The following LEF1 variants were observed in gnomAD, a reference collection of about 807,000 sequenced individuals.
LEF1 encodes lymphoid enhancer binding factor 1.
In LEF1, 14 loss-of-function variants were observed where a neutral mutation model predicts 51.2. The ratio of observed to expected loss-of-function variants is 0.27; its 90% CI spans 0.18 to 0.43. The LOEUF (loss-of-function observed/expected upper bound fraction) is 0.43, where lower values mean the gene tolerates loss of function less well. LEF1 is among the 20% of genes least tolerant of loss of function. The pLI is 1.00. For synonymous variants in LEF1, 185 were observed against 183.2 expected, an observed-to-expected ratio of 1.01 and a Z score of -0.08; for missense variants, 386 against 512.0, an observed-to-expected ratio of 0.75 and a Z score of 2.37.
At chr4:108,076,859 GA>G (rs575906380) in intron 8 of LEF1, among the ~76,000 whole-genome samples, 11 of 147,608 alleles carry the variant, frequency 7.5e-5, no homozygotes, top group African/African-American at 1.2e-4. Context: ...TGTCTCTACT[GA>G]AAAAAAAAAT....
In LEF1 at chr4:108,086,230, AT is replaced by A. The variant is rs201253557; in HGVS notation, c.548-2785del. On this transcript the variant is annotated intron_variant, in intron 4 of 11. Transcript: ENST00000265165. ...TGCCACTGAAGACACATTTCACATCATTTTTTTTTAAGTTTATTTTTTATTT... is the reference window on the plus strand; with the variant it reads ...TGCCACTGAAGACACATTTCACATCATTTTTTTTAAGTTTATTTTTTATTT... Among the ~76,000 whole-genome samples, 184 of 151,492 alleles carry A rather than the reference AT, an allele frequency of 1.2e-3. 2 individuals carry two copies. The highest frequency in any genetic ancestry group is 6.0e-3 in the East Asian group (31 of 5,150).
chr4:108,094,828 G>T (rs941693798), intron 3 of LEF1, among the ~76,000 whole-genome samples: 1 of 152,166 alleles, frequency 6.6e-6, no homozygotes, highest in East Asian at 1.9e-4. Context: ...GATTGTTATG[G>T]TGGCATTTTT....
At chr4:108,056,051 A>G (rs758961952) in intron 11 of LEF1, among the ~76,000 whole-genome samples, 37 of 152,232 alleles carry the variant, frequency 2.4e-4, no homozygotes, top group Non-Finnish European at 4.7e-4. Context: ...TGAGCTCCTG[A>G]CAGCCATTTT....
intron 6 of LEF1, 28 bp from the exon 7 acceptor site, chr4:108,079,642 T>G (rs562761016): frequency 6.2e-7 from 1 of 1,613,372 alleles, no homozygotes; most frequent in African/African-American, 1.3e-5. Flanking sequence ...AAGAAAACAA[T>G]GTACTACTGG....
intron 3 of LEF1, among the ~76,000 whole-genome samples, chr4:108,098,402 C>T (rs557018512): frequency 2.6e-4 from 39 of 152,138 alleles, no homozygotes; most frequent in African/African-American, 8.7e-4. Flanking sequence ...TACCCAGATA[C>T]GAAGTGCAGA....
intron 3 of LEF1, among the ~76,000 whole-genome samples, chr4:108,095,955 T>C (rs934452763): frequency 1.3e-5 from 2 of 152,132 alleles, no homozygotes; most frequent in African/African-American, 2.4e-5. Flanking sequence ...ATCCTATTAT[T>C]TGATTGATTT....
At chr4:108,066,975 C>T (rs549989894) in intron 9 of LEF1, among the ~76,000 whole-genome samples, 2 of 152,290 alleles carry the variant, frequency 1.3e-5, no homozygotes, top group East Asian at 1.9e-4. Context: ...ATATATTTCA[C>T]ACGATCTCAC....
intron 3 of LEF1, among the ~76,000 whole-genome samples, chr4:108,147,401 T>G (rs1358363653): frequency 6.6e-6 from 1 of 152,154 alleles, no homozygotes; most frequent in Admixed American, 6.5e-5. Context: ...TATGAACGGT[T>G]TTTTCATTTG....
chr4:108,154,881 G>A (rs1744596216), intron 3 of LEF1, among the ~76,000 whole-genome samples: 1 of 152,040 alleles, frequency 6.6e-6, no homozygotes, highest in South Asian at 2.1e-4. Context: ...TTTACTGAAA[G>A]AAAAAGAAAA....
At chr4:108,135,232 T>C (rs181585538) in intron 3 of LEF1, among the ~76,000 whole-genome samples, 1 of 152,250 alleles carries the variant, frequency 6.6e-6, no homozygotes, top group East Asian at 1.9e-4. Flanking sequence ...TGAGGGAAGC[T>C]ACAGACCACT....
intron 3 of LEF1, among the ~76,000 whole-genome samples, chr4:108,130,934 GA>G (rs1396790017): frequency 6.6e-6 from 1 of 152,046 alleles, no homozygotes; most frequent in Non-Finnish European, 1.5e-5. Flanking sequence ...AGGTGCTAAA[GA>G]GAAATATTTT....
chr4:108,133,744 C>T (rs1743053995), intron 3 of LEF1, among the ~76,000 whole-genome samples: 1 of 152,178 alleles, frequency 6.6e-6, no homozygotes, highest in East Asian at 1.9e-4. Context: ...ACTCAATAAA[C>T]TCCTTTGATA....
At chr4:108,144,637 G>T (rs1237264126) in intron 3 of LEF1, among the ~76,000 whole-genome samples, 1 of 152,138 alleles carries the variant, frequency 6.6e-6, no homozygotes, top group African/African-American at 2.4e-5. Context: ...AATCTAGAGA[G>T]AAGGAAGGGA....
rs1323218495 is a variant in LEF1 at position 108,078,609 on chromosome 4, G to A, written c.846-227C>T. ...GGCTTCCTATCTACTCAGTGACTGAGAATAAAACCCTTTGGTTTGAGAAAG... is the reference window on the plus strand; with the variant it reads ...GGCTTCCTATCTACTCAGTGACTGAAAATAAAACCCTTTGGTTTGAGAAAG... On this transcript the variant is annotated intron_variant, in intron 7 of 11. Transcript: ENST00000265165. The A allele has an allele frequency of 7.0e-6, 4 of 572,078 alleles. No individual in the cohort carries two copies. The African/African-American group carries it at 7.5e-5, about 11-fold the overall frequency. The allele number at this position is 572,078 out of a possible 1,614,324, so 35.4% of individuals were successfully genotyped here.
intron 11 of LEF1, among the ~76,000 whole-genome samples, chr4:108,055,660 C>T (rs1005734504): frequency 1.3e-5 from 2 of 152,216 alleles, no homozygotes; most frequent in African/African-American, 4.8e-5. Context: ...TTTTCATGAA[C>T]AATACTAAAC....
intron 3 of LEF1, among the ~76,000 whole-genome samples, chr4:108,121,351 G>A (rs1472160639): frequency 6.6e-6 from 1 of 152,162 alleles, no homozygotes; most frequent in African/African-American, 2.4e-5. Context: ...TGTGAAAAGA[G>A]TTTTGATCTC....
At chr4:108,108,571 G>A (rs1316113435) in intron 3 of LEF1, among the ~76,000 whole-genome samples, 1 of 152,076 alleles carries the variant, frequency 6.6e-6, no homozygotes, top group Non-Finnish European at 1.5e-5. Flanking sequence ...TGGAACTGGG[G>A]ATACTTCCAT....
intron 3 of LEF1, among the ~76,000 whole-genome samples, chr4:108,134,151 T>C (rs1008895546): frequency 1.7e-5 from 2 of 115,758 alleles, no homozygotes; most frequent in South Asian, 7.0e-4. Flanking sequence ...AGTTGGATTT[T>C]GCCACCAAAT....
intron 3 of LEF1, among the ~76,000 whole-genome samples, chr4:108,093,968 TC>T (rs911282303): frequency 2.0e-5 from 3 of 152,108 alleles, no homozygotes; most frequent in African/African-American, 7.2e-5. Flanking sequence ...ACTATTATTA[TC>T]CCCCTTTTAC....
Sources: gnomAD v4.1 joint callset for allele counts (sites outside exome capture counted in the v4.1 genomes callset) on GRCh38, gnomAD v4.1.1 for gene constraint, MANE v1.5 for transcripts, NCBI Gene and HGNC (gene_info 2026-07-23, HGNC 2026-07-21) for gene names.